Variants in P3H2 observed in about 807,000 individuals in gnomAD.
P3H2 encodes prolyl 3-hydroxylase 2.
P3H2 carries 80 observed loss-of-function variants against 87.0 expected under a neutral mutation model. The ratio of observed to expected loss-of-function variants is 0.92; its 90% CI spans 0.77 to 1.11. P3H2 has a LOEUF of 1.11. P3H2 is among the 50% of genes least tolerant of loss of function. P3H2 has a pLI of 0.00. For synonymous variants in P3H2, 367 were observed against 359.3 expected (o/e 1.02, Z -0.24); for missense variants, 1,001 against 923.9 (o/e 1.08, Z -1.08).
chr3:189,964,687 C>T (rs1235638713), intron 13 of P3H2, among the ~76,000 whole-genome samples: 1 of 152,194 alleles, frequency 6.6e-6, no homozygotes, highest in Non-Finnish European at 1.5e-5. Context: ...TCCCAGTGGT[C>T]GTTTAGGCAT....
chr3:190,116,579 C>G (rs969985197), intron 1 of P3H2: 1 of 152,258 alleles, frequency 6.6e-6, no homozygotes, highest in African/African-American at 2.4e-5. Flanking sequence ...CTCATTGTTA[C>G]CTTTGGCTGG....
intron 1 of P3H2, among the ~76,000 whole-genome samples, chr3:190,031,496 G>C (rs192064159): frequency 6.6e-6 from 1 of 152,102 alleles, no homozygotes; most frequent in East Asian, 1.9e-4. Context: ...AACTAGCCAG[G>C]CATGGTGGCA....
At chr3:189,964,706 C>T (rs1425314618) in intron 13 of P3H2, among the ~76,000 whole-genome samples, 1 of 152,222 alleles carries the variant, frequency 6.6e-6, no homozygotes, top group Non-Finnish European at 1.5e-5. Flanking sequence ...ATTGTTTGAA[C>T]ATCTCTAGTG....
At position 189,957,642 on chromosome 3, in the gene P3H2, A is replaced by C. The variant is rs1722677677; in HGVS notation, c.*270T>G. ...TGAGGCTCCAGTGTGCTATCATCACATCTGTGAATAGCCACTGCCCTATAT... is the reference window on the plus strand; with the variant it reads ...TGAGGCTCCAGTGTGCTATCATCACCTCTGTGAATAGCCACTGCCCTATAT... On this transcript the variant is annotated 3_prime_UTR_variant, in exon 15 of 15. Transcript: ENST00000319332. The C allele has an allele frequency of 2.0e-6, 1 of 508,012 alleles. No individual in the cohort carries two copies. The highest frequency in any genetic ancestry group is 3.5e-6 in the Non-Finnish European group (1 of 283,040). The allele number at this position is 508,012 out of a possible 1,614,324, so 31.5% of individuals were successfully genotyped here. A position where few individuals can be genotyped will look rare whatever the true frequency, so the allele number is the denominator to read the frequency against.
intron 12 of P3H2, among the ~76,000 whole-genome samples, chr3:189,971,132 C>T (rs1168167673): frequency 6.6e-6 from 1 of 152,332 alleles, no homozygotes; most frequent in Non-Finnish European, 1.5e-5. Context: ...CAAAGCTTGT[C>T]TCACATTTCA....
intron 1 of P3H2, among the ~76,000 whole-genome samples, chr3:190,079,885 C>T (rs1726989648): frequency 6.6e-6 from 1 of 152,130 alleles, no homozygotes; most frequent in African/African-American, 2.4e-5. Context: ...TAAAAGGGGA[C>T]AGGAGAGTAT....
rs147669778 is a variant in P3H2, at chr3:190,067,154, C to T, written c.480+53098G>A. Reference sequence around the variant, plus strand: ...GCCACCACACCCAGCCTTATTCTTACATTTACCTATTATTTGTGTATTTTT... The same window carrying T: ...GCCACCACACCCAGCCTTATTCTTATATTTACCTATTATTTGTGTATTTTT... On this transcript the variant is annotated intron_variant, in intron 1 of 14. Transcript: ENST00000319332. 4.3e-3 allele frequency among the ~76,000 whole-genome samples: 653 copies of T among 151,860 alleles called. 1 individual carries two copies. The highest frequency in any genetic ancestry group is 8.7e-3 in the South Asian group (42 of 4,818).
intron 1 of P3H2, among the ~76,000 whole-genome samples, chr3:190,072,350 A>G (rs1726730513): frequency 6.6e-6 from 1 of 152,138 alleles, no homozygotes; most frequent in South Asian, 2.1e-4. Context: ...AATCCATTAA[A>G]CTTTAAGTCT....
chr3:190,066,178 C>CACACACACACACACAT (rs1398712598), intron 1 of P3H2, among the ~76,000 whole-genome samples: 1 of 143,214 alleles, frequency 7.0e-6, no homozygotes, highest in African/African-American at 2.8e-5. Context: ...CACACACACA[C>CACACACACACACACAT]ATATATACAC....
chr3:190,074,267 C>G (rs544978544), intron 1 of P3H2, among the ~76,000 whole-genome samples: 32 of 152,084 alleles, frequency 2.1e-4, no homozygotes, highest in Admixed American at 1.2e-3. Flanking sequence ...CCCAGCACTT[C>G]GGGAGGTCGA....
chr3:190,101,201 G>A (rs2108515952), intron 1 of P3H2, among the ~76,000 whole-genome samples: 1 of 151,708 alleles, frequency 6.6e-6, no homozygotes, highest in East Asian at 2.0e-4. Context: ...ACTGAAATTA[G>A]GCCAATTAAT....
At position 190,082,830 on chromosome 3, in the gene P3H2, G is replaced by A. The variant is rs552510438; in HGVS notation, c.480+37422C>T. Among the ~76,000 whole-genome samples the A allele has an allele frequency of 1.0e-3, 154 of 152,088 alleles. 1 individual carries two copies. The highest frequency in any genetic ancestry group is 1.6e-3 in the Non-Finnish European group (109 of 67,994). The stretch of plus-strand genomic sequence containing the variant: ...TTCTTCTTGTTACTTAATCAAGTGG[G>A]AAGAATATAATTACCTTGTGTTTAC... On this transcript the variant is annotated intron_variant, in intron 1 of 14. Coordinates refer to ENST00000319332, the MANE Select transcript of P3H2 (RefSeq NM_018192.4).
chr3:189,975,801 C>T (rs1723332057), intron 8 of P3H2, among the ~76,000 whole-genome samples: 1 of 152,180 alleles, frequency 6.6e-6, no homozygotes, highest in South Asian at 2.1e-4. Flanking sequence ...CACTACAGCT[C>T]ATGATTAATG....
chr3:190,101,247 T>C (rs76765753), intron 1 of P3H2, among the ~76,000 whole-genome samples: 10,535 of 150,292 alleles, frequency 0.07, 487 homozygotes, highest in African/African-American at 0.13. Context: ...AAGTTAAGAG[T>C]CACATATCTC....
intron 1 of P3H2, among the ~76,000 whole-genome samples, chr3:190,000,525 A>C (rs561902472): frequency 1.5e-3 from 232 of 152,336 alleles, no homozygotes; most frequent in Middle Eastern, 3.4e-3. Flanking sequence ...GAAATAATGA[A>C]CAAAGTTGTG....
intron 1 of P3H2, among the ~76,000 whole-genome samples, chr3:190,117,010 A>G (rs567282047): frequency 1.2e-3 from 176 of 152,324 alleles, no homozygotes; most frequent in Non-Finnish European, 1.9e-3. Context: ...TGGCATAAGG[A>G]TAGCCCTGGG....
chr3:190,066,193 A>G (rs1467592468), intron 1 of P3H2, among the ~76,000 whole-genome samples: 1 of 151,354 alleles, frequency 6.6e-6, no homozygotes. Flanking sequence ...ATACACACAT[A>G]TATATATGAT....
chr3:190,093,797 G>A (rs1411700621), intron 1 of P3H2, among the ~76,000 whole-genome samples: 2 of 152,116 alleles, frequency 1.3e-5, no homozygotes, highest in African/African-American at 4.8e-5. Flanking sequence ...TTAATATGCT[G>A]GTGGCTTTTT....
chr3:189,996,929 C>A (rs1484085368), intron 1 of P3H2, among the ~76,000 whole-genome samples: 1 of 152,172 alleles, frequency 6.6e-6, no homozygotes, highest in African/African-American at 2.4e-5. Flanking sequence ...ACAGACACTG[C>A]CAACTGTCTC....
Sources: gnomAD v4.1 joint callset for allele counts (sites outside exome capture counted in the v4.1 genomes callset) on GRCh38, gnomAD v4.1.1 for gene constraint, MANE v1.5 for transcripts, NCBI Gene and HGNC (gene_info 2026-07-23, HGNC 2026-07-21) for gene names.